Variants in TTN observed in about 807,000 individuals in gnomAD.
TTN encodes connectin.
Under a neutral mutation model 3,223.0 loss-of-function variants are expected in TTN, and 1,525 were observed. The ratio of observed to expected loss-of-function variants is 0.47; its 90% CI spans 0.45 to 0.49. TTN has a LOEUF of 0.49. Ranked by LOEUF, TTN falls within the 20% of genes least tolerant of loss-of-function variation. TTN has a pLI of 0.00. For missense variants in TTN, 40,786 were observed against 43,424.0 expected, an observed-to-expected ratio of 0.94 and a Z score of 5.40; for synonymous variants, 14,094 against 15,161.0, an observed-to-expected ratio of 0.93 and a Z score of 5.17.
At position 178,741,390 on chromosome 2, in the gene TTN, C is replaced by T. The variant is rs775618077; in HGVS notation, c.11843G>A (p.Arg3948His). 32 of 1,613,684 alleles carry T rather than the reference C, an allele frequency of 2.0e-5. No individual in the cohort carries two copies. Among genetic ancestry groups the T allele is most frequent in the Admixed American group, 8.3e-5 (5 of 59,982 alleles). ...GATGGCAGGAAGCCCTTGAGCACAG[C>T]GAATTGGTTTTAACTCCTTAAGGAA... is the stretch of plus-strand genomic sequence containing the variant. ...PHFLKELKPIRCAQGLPAIFE... is the reference protein window; with the variant it reads ...PHFLKELKPIHCAQGLPAIFE... The change falls in exon 48 of 363, where the codon CGC (arginine) becomes CAC (histidine). Residue 3948 changes from arginine (R) to histidine (H), a missense_variant. Arg to His is a conservative substitution (Grantham distance 29). Coordinates refer to ENST00000589042, the MANE Select transcript of TTN (RefSeq NM_001267550.2).
chr2:178,805,403 A>C (rs750125212), intron 1 of TTN, among the ~76,000 whole-genome samples: 1 of 152,038 alleles, frequency 6.6e-6, no homozygotes, highest in Non-Finnish European at 1.5e-5. Context: ...TAGTAAGTGA[A>C]AATTATTTTA....
Position 178,664,091 on chromosome 2 carries a change from T to C in TTN, c.36288A>G (p.Glu12096=), listed in dbSNP as rs762718864. The C allele has an allele frequency of 6.8e-6, 11 of 1,610,066 alleles. No homozygotes were observed. Among genetic ancestry groups the C allele is most frequent in the Non-Finnish European group, 9.3e-6 (11 of 1,178,952 alleles). The change falls in exon 169 of 363, where the codon GAA becomes GAG. Residue 12096 remains glutamate, a synonymous_variant. Coordinates refer to ENST00000589042, the MANE Select transcript of TTN (RefSeq NM_001267550.2). ...TTTCAGGGATAATCTCTTTGGGAGCTTCGTGCACTTGAAAGATATTAGTAT... is the reference window on the plus strand; with the variant it reads ...TTTCAGGGATAATCTCTTTGGGAGCCTCGTGCACTTGAAAGATATTAGTAT... ...RAEVVPVKVH[E]APKEIIPEKK... is the part of the protein sequence containing the mutation.
Position 178,790,106 on chromosome 2 carries a change from C to T in TTN, c.1810G>A (p.Glu604Lys). 1.9e-6 allele frequency: 3 copies of T among 1,612,488 alleles called. No homozygotes were observed. The highest frequency in any genetic ancestry group is 2.5e-6 in the Non-Finnish European group (3 of 1,179,170). The change falls in exon 12 of 363, where the codon GAA becomes AAA. Residue 604 changes from glutamate (E) to lysine (K), a missense_variant. Transcript: ENST00000589042. ...MHLSYEKIMK[E>K]TRKTVVPKVI... ...TTAGGTACAACTGTTTTCCTAGTTT[C>T]CTTCATTATCTGATCATACAAAAGA...
chr2:178,707,392 G>A, intron 100 of TTN, 134 bp downstream of exon 100: 1 of 1,013,744 alleles, frequency 9.9e-7, no homozygotes, highest in Non-Finnish European at 1.4e-6. Flanking sequence ...TTATAATAAG[G>A]AGCCTACAAA....
intron 13 of TTN, among the ~76,000 whole-genome samples, chr2:178,788,853 C>T (rs1178835253): frequency 6.6e-6 from 1 of 151,956 alleles, no homozygotes; most frequent in Non-Finnish European, 1.5e-5. Context: ...ATTTTTTCAG[C>T]TTATCTTCTC....
chr2:178,626,116 T>G (rs941441915), intron 240 of TTN, among the ~76,000 whole-genome samples: 5 of 152,006 alleles, frequency 3.3e-5, no homozygotes, highest in African/African-American at 7.2e-5. Context: ...AAATATCAGC[T>G]ATGGCAAGCT....
chr2:178,601,251 A>AT lies in TTN; in HGVS notation c.55732+13dup, dbSNP rs764432120. The AT allele has an allele frequency of 3.3e-6, 5 of 1,524,372 alleles. No individual in the cohort carries two copies. The highest frequency in any genetic ancestry group is 4.6e-5 in the East Asian group (2 of 43,810). 94.4% of individuals were successfully genotyped at this position (1,524,372 alleles called of 1,614,324 possible). On this transcript the variant is annotated intron_variant, in intron 287 of 362. Coordinates refer to ENST00000589042, the MANE Select transcript of TTN (RefSeq NM_001267550.2). ...TTTTGAGAAGATATTTTAAATTTAGATTTTAAAGCTTACATATCGGATCTC... is the reference window on the plus strand; with the variant it reads ...TTTTGAGAAGATATTTTAAATTTAGATTTTTAAAGCTTACATATCGGATCTC...
chr2:178,547,891 G>A lies in TTN; in HGVS notation c.93735C>T (p.Pro31245=), dbSNP rs1697864721. The change falls in exon 339 of 363, where the codon CCC becomes CCT. Residue 31245 remains proline (P), a synonymous_variant. Coordinates refer to ENST00000589042, the MANE Select transcript of TTN (RefSeq NM_001267550.2). ...IDVPISGRPA[P]KVTWKLEEMR... The stretch of plus-strand genomic sequence containing the variant: ...TTTCTTCCAGTTTCCATGTTACTTT[G>A]GGGGCAGGACGACCACTGATTGGTA... 1 of 1,613,768 alleles carries A rather than the reference G, an allele frequency of 6.2e-7. No individual in the cohort carries two copies. Among genetic ancestry groups the A allele is most frequent in the Non-Finnish European group, 8.5e-7 (1 of 1,179,812 alleles).
chr2:178,731,122 C>T lies in TTN; in HGVS notation c.17543G>A (p.Gly5848Glu), dbSNP rs185962498. 248 of 1,613,568 alleles carry T rather than the reference C, an allele frequency of 1.5e-4. 7 individuals carry two copies. The highest frequency in any genetic ancestry group is 1.2e-3 in the East Asian group (52 of 44,842). The change falls in exon 60 of 363, where the codon GGG (glycine) becomes GAG (glutamate). Residue 5848 changes from glycine (G) to glutamate (E), a missense_variant. By Grantham distance (98) the Gly-to-Glu change is moderately conservative. Coordinates refer to ENST00000589042, the MANE Select transcript of TTN (RefSeq NM_001267550.2). ...DPATLQVKFSGTKEITAKWFK... is the reference protein window; with the variant it reads ...DPATLQVKFSETKEITAKWFK... ...CCATTTGGCTGTAATCTCCTTAGTC[C>T]CTGAAAATTTAACCTGCAAAGTGGC...
At position 178,609,090 on chromosome 2, in the gene TTN, T is replaced by C. The variant is rs1406731720; in HGVS notation, c.52102+118A>G. On this transcript the variant is annotated intron_variant, in intron 273 of 362. Transcript: ENST00000589042. ...TTTTACATGGCCAGCAGATAAAATA[T>C]GATTGAGGATAACTTGCTGAAGCTA... The C allele has an allele frequency of 5.4e-6, 7 of 1,300,358 alleles. No homozygotes were observed. In the Admixed American group the frequency reaches 2.2e-4, roughly 40 times the overall value. 80.6% of individuals were successfully genotyped at this position (1,300,358 alleles called of 1,614,324 possible).
chr2:178,628,357 A>G (rs929064963), intron 240 of TTN, among the ~76,000 whole-genome samples: 7 of 152,058 alleles, frequency 4.6e-5, no homozygotes, highest in Non-Finnish European at 8.8e-5. Context: ...TTTATAGCAC[A>G]TTTAATAGTA....
At position 178,731,730 on chromosome 2, in the gene TTN, C is replaced by T; in HGVS notation, c.17145G>A (p.Val5715=). The change falls in exon 58 of 363, where the codon GTG becomes GTA. Residue 5715 remains valine, a synonymous_variant. Transcript: ENST00000589042. Reference sequence around the variant, plus strand: ...CCCTGGCACTGCAGATGCTGCTGCCCACCTCATTGGTCACCCGACACTGGT... The same window carrying T: ...CCCTGGCACTGCAGATGCTGCTGCCTACCTCATTGGTCACCCGACACTGGT... ...GEYQCRVTNE[V]GSSICSARVT... 1 of 1,613,366 alleles carries T rather than the reference C, an allele frequency of 6.2e-7. No homozygotes were observed. Among genetic ancestry groups the T allele is most frequent in the Admixed American group, 1.7e-5 (1 of 60,008 alleles).
chr2:178,740,333 T>A lies in TTN; in HGVS notation c.12900A>T (p.Gly4300=), dbSNP rs2082272246. 1 of 1,613,746 alleles carries A rather than the reference T, an allele frequency of 6.2e-7. No individual in the cohort carries two copies. Among genetic ancestry groups the A allele is most frequent in the African/African-American group, 1.3e-5 (1 of 75,054 alleles). Residue 4300 remains glycine, a synonymous_variant, in exon 48 of 363, where the codon GGA becomes GGT. Transcript: ENST00000589042. ...LVPSEHSCTE[G]GKILIESANP... ...TTGCACTTTCTATCAAAATTTTACC[T>A]CCTTCTGTGCATGAGTGTTCTGAAG...
At chr2:178,699,018 A>T (rs2074265552) in intron 111 of TTN, 104 bp from the exon 112 acceptor site, 1 of 1,193,080 alleles carries the variant, frequency 8.4e-7, no homozygotes, top group Admixed American at 2.8e-5. Flanking sequence ...TTATTTTTCC[A>T]TATGTTGATA....
chr2:178,741,237 T>C lies in TTN; in HGVS notation c.11996A>G (p.Asn3999Ser), dbSNP rs199844346. The part of the protein sequence containing the change: ...NPNGSGTFIV[N>S]DPQREDSGLY... ...GCCACTGTCTTCCCTCTGAGGGTCA[T>C]TGACAATGAAAGTTCCAGAGCCATT... Residue 3999 changes from asparagine (N) to serine (S), a missense_variant, in exon 48 of 363, where the codon AAT (asparagine) becomes AGT (serine). Transcript: ENST00000589042. The C allele has an allele frequency of 7.8e-5, 126 of 1,613,606 alleles. No individual in the cohort carries two copies. The Middle Eastern group carries it at 1.2e-3, about 15-fold the overall frequency.
intron 348 of TTN, 22 bp downstream of exon 348, chr2:178,542,640 T>C: frequency 1.2e-6 from 2 of 1,603,634 alleles, no homozygotes; most frequent in Non-Finnish European, 1.7e-6. Flanking sequence ...AACTTGCTTG[T>C]ATCTTTGTCA....
At position 178,790,084 on chromosome 2, in the gene TTN, G is replaced by A; in HGVS notation, c.1832C>T (p.Pro611Leu). Residue 611 changes from proline (P) to leucine (L), a missense_variant, in exon 12 of 363, where the codon CCT (proline) becomes CTT (leucine). Transcript: ENST00000589042. The part of the protein sequence containing the change: ...IMKETRKTVV[P>L]KVIVATPKVK... ...TTTGGGTGTGGCAACTATGACTTTAGGTACAACTGTTTTCCTAGTTTCCTT... is the reference window on the plus strand; with the variant it reads ...TTTGGGTGTGGCAACTATGACTTTAAGTACAACTGTTTTCCTAGTTTCCTT... 6.2e-7 allele frequency: 1 copy of A among 1,612,860 alleles called. No individual in the cohort carries two copies. The highest frequency in any genetic ancestry group is 8.5e-7 in the Non-Finnish European group (1 of 1,179,356).
At position 178,740,094 on chromosome 2, in the gene TTN, T is replaced by G; in HGVS notation, c.13139A>C (p.Lys4380Thr). ...TGGAATACCAGAAAGCAAGCTTTCC[T>G]TAGAAAGAAGGTCCCTTCCCTGTAC... Reference protein sequence around the residue: ...QEVQGRDLLSKESLLSGIPEE... With the variant: ...QEVQGRDLLSTESLLSGIPEE... Residue 4380 changes from lysine to threonine, a missense_variant, in exon 48 of 363, where the codon AAG becomes ACG. By Grantham distance (78) the Lys-to-Thr change is moderately conservative (BLOSUM62 -1). Coordinates refer to ENST00000589042, the MANE Select transcript of TTN (RefSeq NM_001267550.2). 6.2e-7 allele frequency: 1 copy of G among 1,613,800 alleles called. No homozygotes were observed. The highest frequency in any genetic ancestry group is 8.5e-7 in the Non-Finnish European group (1 of 1,179,788).
rs374862499 is a variant in TTN at position 178,530,402 on chromosome 2, T to C, written c.106213A>G (p.Thr35405Ala). 1 of 1,613,872 alleles carries C rather than the reference T, an allele frequency of 6.2e-7. No individual in the cohort carries two copies. The highest frequency in any genetic ancestry group is 1.7e-5 in the Admixed American group (1 of 60,008). The change falls in exon 358 of 363, where the codon ACC becomes GCC. Residue 35405 changes from threonine (T) to alanine (A), a missense_variant. Physicochemically the swap from Thr to Ala is moderately conservative, Grantham distance 58. Transcript: ENST00000589042. ...GGAGCTTTTGGTTCAGTTTTTCTGG[T>C]TACTGTTGACTCAGTGGTTTTCTGA... ...SDQKTTESTVTRKTEPKAPEP... is the reference protein window; with the variant it reads ...SDQKTTESTVARKTEPKAPEP...
Sources: gnomAD v4.1 joint callset for allele counts (sites outside exome capture counted in the v4.1 genomes callset) on GRCh38, gnomAD v4.1.1 for gene constraint, MANE v1.5 for transcripts, NCBI Gene and HGNC (gene_info 2026-07-23, HGNC 2026-07-21) for gene names.